MACROD2: variants seen among roughly 807,000 people sequenced by gnomAD.
The protein encoded by MACROD2 is mono-ADP ribosylhydrolase 2.
In MACROD2, 36 loss-of-function variants were observed where a neutral mutation model predicts 70.4. That is an observed-to-expected ratio of 0.51 (90% CI 0.39 to 0.68). MACROD2 has a LOEUF of 0.68. MACROD2 is among the 30% of genes least tolerant of loss of function. MACROD2 has a pLI of 0.00. For synonymous variants in MACROD2, 172 were observed against 178.8 expected, an observed-to-expected ratio of 0.96 and a Z score of 0.30; for missense variants, 496 against 538.4, an observed-to-expected ratio of 0.92 and a Z score of 0.78.
At chr20:15,433,431 A>G (rs1250079129) in intron 7 of MACROD2, among the ~76,000 whole-genome samples, 2 of 143,590 alleles carry the variant, frequency 1.4e-5, no homozygotes, top group Admixed American at 1.5e-4. Flanking sequence ...GAATCAAATC[A>G]GGAACTCAAT....
In MACROD2 at chr20:14,890,989, TCCTC is replaced by T. The variant is rs71190165; in HGVS notation, c.418+206046_418+206049del. On this transcript the variant is annotated intron_variant, in intron 5 of 17. Transcript: ENST00000684519. ...TTCCTTCCTTCCTTCCTTCCTTCCT[TCCTC>T]CCTCCCTCCCTCCCTTCCTACCTTC... 8.4e-3 allele frequency among the ~76,000 whole-genome samples: 587 copies of T among 70,022 alleles called. 22 individuals are homozygous for T. The East Asian group carries it at 0.12, about 14-fold the overall frequency. The allele number at this position is 70,022 out of a possible 152,430, so 45.9% of individuals were successfully genotyped here.
intron 5 of MACROD2, among the ~76,000 whole-genome samples, chr20:15,225,368 G>C (rs1048021240): frequency 6.6e-6 from 1 of 152,092 alleles, no homozygotes; most frequent in African/African-American, 2.4e-5. Flanking sequence ...TATACTCTTT[G>C]TTTAAATGTT....
At chr20:15,797,608 T>G (rs2063686869) in intron 8 of MACROD2, among the ~76,000 whole-genome samples, 1 of 152,208 alleles carries the variant, frequency 6.6e-6, no homozygotes, top group Non-Finnish European at 1.5e-5. Context: ...AAAACTGTCA[T>G]GTAGCCACGC....
At chr20:14,914,139 A>C (rs2074061741) in intron 5 of MACROD2, among the ~76,000 whole-genome samples, 1 of 152,214 alleles carries the variant, frequency 6.6e-6, no homozygotes, top group Non-Finnish European at 1.5e-5. Flanking sequence ...AATATGGAGA[A>C]CTATTGTATT....
At chr20:14,629,453 A>G (rs1392244540) in intron 4 of MACROD2, among the ~76,000 whole-genome samples, 1 of 152,228 alleles carries the variant, frequency 6.6e-6, no homozygotes, top group African/African-American at 2.4e-5. Context: ...AAATCAACAG[A>G]TGACAGCTTT....
intron 5 of MACROD2, among the ~76,000 whole-genome samples, chr20:14,852,286 A>G (rs1483178197): frequency 6.6e-6 from 1 of 152,166 alleles, no homozygotes; most frequent in East Asian, 1.9e-4. Context: ...AGTCCGTTTC[A>G]GAGAGAAAGA....
intron 5 of MACROD2, among the ~76,000 whole-genome samples, chr20:14,793,545 A>C (rs1334287472): frequency 3.3e-5 from 5 of 151,630 alleles, no homozygotes; most frequent in African/African-American, 4.9e-5. Context: ...CAGTTATTTC[A>C]ATTGAAAAAG....
intron 3 of MACROD2, among the ~76,000 whole-genome samples, chr20:14,420,034 G>A (rs1052680290): frequency 1.3e-5 from 2 of 151,298 alleles, no homozygotes; most frequent in Admixed American, 6.6e-5. Flanking sequence ...ATTTTCTTAG[G>A]GTAAATACCC....
chr20:14,078,145 G>A (rs1175368567), intron 2 of MACROD2, among the ~76,000 whole-genome samples: 4 of 151,946 alleles, frequency 2.6e-5, no homozygotes, highest in Non-Finnish European at 5.9e-5. Flanking sequence ...CAGGTGATCC[G>A]CCTGCCTCGG....
At chr20:14,563,367 G>A (rs1979564257) in intron 4 of MACROD2, among the ~76,000 whole-genome samples, 1 of 151,916 alleles carries the variant, frequency 6.6e-6, no homozygotes, top group Admixed American at 6.6e-5. Flanking sequence ...CTAGAAAAAT[G>A]TCTTCATTAT....
intron 7 of MACROD2, among the ~76,000 whole-genome samples, chr20:15,494,736 G>GGGGTGT (rs1555829343): frequency 9.1e-6 from 1 of 110,142 alleles, no homozygotes; most frequent in Admixed American, 8.6e-5. Context: ...TGCATAATGG[G>GGGGTGT]GTGTGTGTGT....
chr20:14,635,438 G>A (rs1470715346), intron 4 of MACROD2, among the ~76,000 whole-genome samples: 2 of 152,120 alleles, frequency 1.3e-5, no homozygotes, highest in Non-Finnish European at 2.9e-5. Context: ...ATACTCATAA[G>A]TAAATAAAGC....
chr20:15,784,703 A>T (rs1271770250), intron 8 of MACROD2, among the ~76,000 whole-genome samples: 1 of 152,200 alleles, frequency 6.6e-6, no homozygotes, highest in African/African-American at 2.4e-5. Flanking sequence ...GTGGATAGAC[A>T]TATGATTAAA....
chr20:15,802,402 G>T (rs1283030784), intron 8 of MACROD2, among the ~76,000 whole-genome samples: 1 of 152,058 alleles, frequency 6.6e-6, no homozygotes, highest in Admixed American at 6.5e-5. Context: ...TATAATGAAG[G>T]GATGTTGGAT....
At chr20:14,958,086 G>A (rs1222854180) in intron 5 of MACROD2, among the ~76,000 whole-genome samples, 1 of 152,050 alleles carries the variant, frequency 6.6e-6, no homozygotes, top group Non-Finnish European at 1.5e-5. Context: ...GGACTAACTA[G>A]ACCTCTCTGG....
At chr20:14,172,555 T>G (rs2081231287) in intron 3 of MACROD2, among the ~76,000 whole-genome samples, 1 of 152,164 alleles carries the variant, frequency 6.6e-6, no homozygotes, top group African/African-American at 2.4e-5. Context: ...TCCACCTGCC[T>G]CGGCCTCCCA....
chr20:15,664,348 A>T (rs992270923), intron 8 of MACROD2, among the ~76,000 whole-genome samples: 2 of 152,216 alleles, frequency 1.3e-5, no homozygotes, highest in South Asian at 4.1e-4. Flanking sequence ...AGCAGAGTAC[A>T]TATATTTTCT....
intron 9 of MACROD2, among the ~76,000 whole-genome samples, chr20:15,876,577 T>C (rs1010831249): frequency 1.3e-5 from 2 of 152,148 alleles, no homozygotes; most frequent in Non-Finnish European, 2.9e-5. Context: ...TAAACATATG[T>C]GTGCGTGTGT....
intron 5 of MACROD2, among the ~76,000 whole-genome samples, chr20:14,706,362 G>A (rs1339712321): frequency 6.6e-6 from 1 of 151,786 alleles, no homozygotes; most frequent in African/African-American, 2.4e-5. Flanking sequence ...GAAACTGAGA[G>A]TTTATGGTTT....
Sources: allele counts gnomAD v4.1 joint callset (sites outside exome capture counted in the v4.1 genomes callset), GRCh38; gene constraint gnomAD v4.1.1; transcripts MANE v1.5; gene names NCBI Gene and HGNC (gene_info 2026-07-23, HGNC 2026-07-21).